Variants in CRB1 observed in about 807,000 individuals in gnomAD.
CRB1 encodes the protein protein crumbs homolog 1.
Under a neutral mutation model 120.0 loss-of-function variants are expected in CRB1, and 83 were observed. That is an observed-to-expected ratio of 0.69 (90% CI 0.58 to 0.83). The LOEUF (loss-of-function observed/expected upper bound fraction) is 0.83. Ranked by LOEUF, CRB1 falls within the 40% of genes least tolerant of loss-of-function variation. The probability of loss-of-function intolerance (pLI) is 0.00; values close to 1 mark genes in which losing one functional copy is unlikely to be tolerated. For synonymous variants in CRB1, 625 were observed against 612.5 expected (o/e 1.02, Z -0.30); for missense variants, 1,699 against 1,687.6 (o/e 1.01, Z -0.12).
chr1:197,210,619 A>G, the CRB1 span, among the ~76,000 whole-genome samples: 1 of 151,980 alleles, frequency 6.6e-6, no homozygotes, highest in Non-Finnish European at 1.5e-5. Context: ...CTAAGAGCCT[A>G]TTGCTTCTGC....
At chr1:197,423,833 T>C (rs72740564) in intron 6 of CRB1, among the ~76,000 whole-genome samples, 545 of 152,330 alleles carry the variant, frequency 3.6e-3, no homozygotes, top group African/African-American at 0.013. Context: ...TGATTTCCAA[T>C]GTATCAAGGT....
intron 5 of CRB1, among the ~76,000 whole-genome samples, chr1:197,391,959 G>A (rs932850502): frequency 2.0e-5 from 3 of 151,962 alleles, no homozygotes; most frequent in Non-Finnish European, 4.4e-5. Flanking sequence ...TGAAACTTGG[G>A]GGGCCCAGTG....
chr1:197,255,209 T>C, the CRB1 span, among the ~76,000 whole-genome samples: 2 of 152,066 alleles, frequency 1.3e-5, no homozygotes, highest in Non-Finnish European at 2.9e-5. Context: ...TGCCCTACCC[T>C]AGTTAGGCTA....
chr1:197,239,111 TA>T, the CRB1 span, among the ~76,000 whole-genome samples: 1 of 152,116 alleles, frequency 6.6e-6, no homozygotes, highest in Admixed American at 6.5e-5. Context: ...ATTTTAAATT[TA>T]TTAAGTTTTT....
At chr1:197,442,693 C>G (rs1056320303) in intron 11 of CRB1, 1 of 466,666 alleles carries the variant, frequency 2.1e-6, no homozygotes, top group African/African-American at 2.0e-5. Context: ...ATTCTCAACA[C>G]TTCTATATGT....
the CRB1 span, among the ~76,000 whole-genome samples, chr1:197,240,033 A>G: frequency 2.6e-5 from 4 of 151,790 alleles, no homozygotes; most frequent in African/African-American, 9.7e-5. Flanking sequence ...ATTATCTCAA[A>G]TATCTCCTCT....
intron 10 of CRB1, chr1:197,441,382 A>T (rs1296427729): frequency 6.6e-6 from 1 of 152,168 alleles, no homozygotes; most frequent in African/African-American, 2.4e-5. Flanking sequence ...CTTGCTGGAA[A>T]ATTAGTTTAA....
chr1:197,209,921 A>G, the CRB1 span, among the ~76,000 whole-genome samples: 1 of 152,154 alleles, frequency 6.6e-6, no homozygotes, highest in Non-Finnish European at 1.5e-5. Flanking sequence ...TTGGGCATTC[A>G]CAGTTTTTCC....
chr1:197,215,923 A>G, the CRB1 span, among the ~76,000 whole-genome samples: 7 of 152,212 alleles, frequency 4.6e-5, no homozygotes, highest in Non-Finnish European at 1.0e-4. Context: ...AATTTAATCT[A>G]TTGGAACATA....
intron 1 of CRB1, among the ~76,000 whole-genome samples, chr1:197,278,387 A>G (rs890780292): frequency 1.3e-5 from 2 of 151,986 alleles, no homozygotes; most frequent in African/African-American, 4.8e-5. Flanking sequence ...GAACAACAAC[A>G]AAAATTCTCT....
chr1:197,379,613 A>AAAC (rs1292094123), intron 5 of CRB1, among the ~76,000 whole-genome samples: 1 of 150,208 alleles, frequency 6.7e-6, no homozygotes, highest in Non-Finnish European at 1.5e-5. Context: ...GCCAAAAAAA[A>AAAC]AAAAAAAAAA....
In CRB1 at chr1:197,313,051, A is replaced by G. The variant is rs143049450; in HGVS notation, c.71-15371A>G. ...CACAGTTCTTCAGGCTTAACAAGAA[A>G]CATGACTGGGAGGCCTCAGGAAACC... On this transcript the variant is annotated intron_variant, in intron 1 of 11. Transcript: ENST00000367400. Among the ~76,000 whole-genome samples the G allele has an allele frequency of 7.5e-4, 115 of 152,356 alleles. 1 individual carries two copies. In the East Asian group the frequency reaches 0.022, roughly 29 times the overall value.
chr1:197,353,808 TATAA>T (rs537922383), intron 4 of CRB1, among the ~76,000 whole-genome samples: 10,984 of 106,966 alleles, frequency 0.1, 376 homozygotes, highest in African/African-American at 0.14. Flanking sequence ...CTCAAAAATA[TATAA>T]ATAAAAAAAA....
At chr1:197,374,719 T>C (rs1661553977) in intron 5 of CRB1, among the ~76,000 whole-genome samples, 1 of 152,170 alleles carries the variant, frequency 6.6e-6, no homozygotes, top group Non-Finnish European at 1.5e-5. Context: ...CATCATCAAA[T>C]AAAATCATCA....
intron 1 of CRB1, among the ~76,000 whole-genome samples, chr1:197,305,011 A>G (rs1470827082): frequency 2.0e-5 from 3 of 152,194 alleles, no homozygotes; most frequent in Non-Finnish European, 4.4e-5. Flanking sequence ...AAGGCCCTGC[A>G]GAGCCTATTC....
At chr1:197,424,495 G>GC (rs1452379317) in intron 6 of CRB1, among the ~76,000 whole-genome samples, 1 of 152,090 alleles carries the variant, frequency 6.6e-6, no homozygotes, top group Non-Finnish European at 1.5e-5. Flanking sequence ...CACTTCATCA[G>GC]CTGCTTGCAG....
At chr1:197,409,448 G>C (rs1663584572) in intron 5 of CRB1, among the ~76,000 whole-genome samples, 2 of 151,950 alleles carry the variant, frequency 1.3e-5, no homozygotes. Flanking sequence ...ATACAATTTT[G>C]TATCTTATTG....
chr1:197,423,575 T>C (rs1300732163), intron 6 of CRB1, among the ~76,000 whole-genome samples: 1 of 152,200 alleles, frequency 6.6e-6, no homozygotes, highest in Non-Finnish European at 1.5e-5. Context: ...CTTGAAGGAA[T>C]GTTTCCTGGA....
At chr1:197,453,547 G>T (rs370273955) in intron 11 of CRB1, among the ~76,000 whole-genome samples, 10,101 of 115,610 alleles carry the variant, frequency 0.087, 524 homozygotes, top group Non-Finnish European at 0.11. Flanking sequence ...TATAGAGAGA[G>T]AGACAGAGAG....
Sources: gnomAD v4.1 joint callset for allele counts (sites outside exome capture counted in the v4.1 genomes callset) on GRCh38, gnomAD v4.1.1 for gene constraint, MANE v1.5 for transcripts, NCBI Gene and HGNC (gene_info 2026-07-23, HGNC 2026-07-21) for gene names.